Variants in MAP3K7 observed in about 807,000 individuals in gnomAD.
The protein encoded by MAP3K7 is mitogen-activated protein kinase kinase kinase 7, also known as TGF-beta activated kinase 1.
Under a neutral mutation model 84.8 loss-of-function variants are expected in MAP3K7, and 21 were observed. That is an observed-to-expected ratio of 0.25 (90% CI 0.18 to 0.36). The LOEUF (loss-of-function observed/expected upper bound fraction) is 0.36, where lower values mean the gene tolerates loss of function less well. Among genes scored for constraint, MAP3K7 ranks in the 10% least tolerant of loss-of-function variants. The probability of loss-of-function intolerance (pLI) is 1.00; values close to 1 mark genes in which losing one functional copy is unlikely to be tolerated. For synonymous variants in MAP3K7, 241 were observed against 247.7 expected (o/e 0.97, Z 0.25); for missense variants, 503 against 747.7 (o/e 0.67, Z 3.82).
chr6:90,558,776 T>G (rs143548631), intron 5 of MAP3K7, among the ~76,000 whole-genome samples: 1 of 152,240 alleles, frequency 6.6e-6, no homozygotes, highest in South Asian at 2.1e-4. Context: ...TTGTAAGATA[T>G]TTCTCCATAT....
rs1196199380 is a variant in MAP3K7 at position 90,587,033 on chromosome 6, C to T, written c.-150G>A. The T allele has an allele frequency of 1.1e-6, 1 of 938,818 alleles. No homozygotes were observed. The highest frequency in any genetic ancestry group is 3.3e-5 in the East Asian group (1 of 29,870). The allele number at this position is 938,818 out of a possible 1,614,324, so 58.2% of individuals were successfully genotyped here. On this transcript the variant is annotated 5_prime_UTR_variant, in exon 1 of 17. Coordinates refer to ENST00000369329, the MANE Select transcript of MAP3K7 (RefSeq NM_145331.3). ...CCGTGGCGGGGGTAGAGGCAGCGGC[C>T]ACAGCCGTGTCCGGCTCTGGCTCCG...
At chr6:90,559,866 A>G (rs1776451262) in intron 5 of MAP3K7, among the ~76,000 whole-genome samples, 1 of 152,262 alleles carries the variant, frequency 6.6e-6, no homozygotes, top group Non-Finnish European at 1.5e-5. Flanking sequence ...TACCAAAAAT[A>G]AAAATCCCAC....
chr6:90,558,279 GC>G (rs1376799084), intron 5 of MAP3K7, among the ~76,000 whole-genome samples: 1 of 151,916 alleles, frequency 6.6e-6, no homozygotes, highest in Non-Finnish European at 1.5e-5. Context: ...CTGAGATTGC[GC>G]CACTGCACTC....
chr6:90,560,350 T>C (rs958716088), intron 4 of MAP3K7, 136 bp from the exon 5 acceptor site: 4 of 896,500 alleles, frequency 4.5e-6, no homozygotes, highest in Admixed American at 3.1e-5. Context: ...CTGCTTTTAA[T>C]TTTTTACTTT....
chr6:90,529,279 T>C lies in MAP3K7; in HGVS notation c.1357-5496A>G, dbSNP rs572109134. ...TCCTGACCTCATATTCACCTAAAGA[T>C]AATACGGCGTAGTGCACAGGGCATG... On this transcript the variant is annotated intron_variant, in intron 13 of 16. Transcript: ENST00000369329. Among the ~76,000 whole-genome samples, 7 of 152,284 alleles carry C rather than the reference T, an allele frequency of 4.6e-5. No homozygotes were observed. In the South Asian group the frequency reaches 1.0e-3, roughly 23 times the overall value.
intron 1 of MAP3K7, among the ~76,000 whole-genome samples, chr6:90,577,726 T>C (rs1417553584): frequency 2.0e-5 from 3 of 152,202 alleles, no homozygotes; most frequent in Admixed American, 2.0e-4. Context: ...GGTTCAGCAG[T>C]ATCAACATCA....
At chr6:90,524,373 A>G (rs951414598) in intron 13 of MAP3K7, among the ~76,000 whole-genome samples, 1 of 152,236 alleles carries the variant, frequency 6.6e-6, no homozygotes, top group Admixed American at 6.5e-5. Context: ...AGGTTACAAC[A>G]AATTCCAACC....
At chr6:90,571,335 T>C (rs997334551) in intron 2 of MAP3K7, among the ~76,000 whole-genome samples, 3 of 152,128 alleles carry the variant, frequency 2.0e-5, no homozygotes, top group Non-Finnish European at 2.9e-5. Flanking sequence ...TCTAAAAACA[T>C]TCCATTTAAA....
chr6:90,540,548 T>C (rs1032433833), intron 12 of MAP3K7, among the ~76,000 whole-genome samples: 1 of 151,986 alleles, frequency 6.6e-6, no homozygotes, highest in African/African-American at 2.4e-5. Flanking sequence ...CAACAAATTT[T>C]ATATCAGAGT....
In MAP3K7 at chr6:90,548,168, A is replaced by G. The variant is rs1487091258; in HGVS notation, c.959T>C (p.Met320Thr). Residue 320 changes from methionine to threonine, a missense_variant, in exon 10 of 17, where the codon ATG (methionine) becomes ACG (threonine). Physicochemically the swap from Met to Thr is moderately conservative, Grantham distance 81. This residue lies in a region of MAP3K7 where 286 missense variants were observed against 313.6 expected (regional missense o/e 0.91). Coordinates refer to ENST00000369329, the MANE Select transcript of MAP3K7 (RefSeq NM_145331.3). Reference sequence around the variant, plus strand: ...ACTCGTATTTGTAGAAGCAATGTCCATGAATGAGCCTAGGAAAAGCAGAAA... The same window carrying G: ...ACTCGTATTTGTAGAAGCAATGTCCGTGAATGAGCCTAGGAAAAGCAGAAA... ...SNSATSTGSF[M>T]DIASTNTSNK... The G allele has an allele frequency of 5.0e-6, 8 of 1,608,838 alleles. No individual in the cohort carries two copies. Among genetic ancestry groups the G allele is most frequent in the Admixed American group, 1.7e-5 (1 of 59,096 alleles).
intron 1 of MAP3K7, among the ~76,000 whole-genome samples, chr6:90,579,242 G>A (rs1051208996): frequency 6.6e-6 from 1 of 152,310 alleles, no homozygotes; most frequent in East Asian, 1.9e-4. Context: ...GTTTTAAAAA[G>A]CCCTAATCTC....
intron 1 of MAP3K7, among the ~76,000 whole-genome samples, chr6:90,576,560 G>T (rs566478777): frequency 6.6e-6 from 1 of 152,186 alleles, no homozygotes; most frequent in East Asian, 1.9e-4. Context: ...CAATCTAAGG[G>T]CTATGCGCTA....
chr6:90,542,422 A>C, intron 12 of MAP3K7: 1 of 983,900 alleles, frequency 1.0e-6, no homozygotes, highest in Non-Finnish European at 1.2e-6. Flanking sequence ...TCATATGAAT[A>C]GCACTGCTGC....
At chr6:90,551,844 C>T in intron 8 of MAP3K7, 2 of 439,756 alleles carry the variant, frequency 4.5e-6, no homozygotes, top group East Asian at 3.4e-5. Context: ...CCTAGTCTAG[C>T]CATCTTTCCA....
chr6:90,536,171 G>A (rs1334478650), intron 13 of MAP3K7, among the ~76,000 whole-genome samples, 166 bp downstream of exon 13: 1 of 151,858 alleles, frequency 6.6e-6, no homozygotes, highest in Non-Finnish European at 1.5e-5. Context: ...ATTAACAATG[G>A]CACCTATGTT....
At chr6:90,555,868 AC>A (rs578169157) in intron 6 of MAP3K7, among the ~76,000 whole-genome samples, 112 of 152,318 alleles carry the variant, frequency 7.4e-4, no homozygotes, top group African/African-American at 2.1e-3. Context: ...CTCATAGTCA[AC>A]ATTTCTGTAA....
At chr6:90,527,942 G>A (rs1296037523) in intron 13 of MAP3K7, among the ~76,000 whole-genome samples, 130 of 12,262 alleles carry the variant, frequency 0.011, 46 homozygotes, top group African/African-American at 0.061. Context: ...GCAGTGGCGC[G>A]ATCTCGGCTC....
chr6:90,537,802 C>T (rs192910257), intron 12 of MAP3K7, among the ~76,000 whole-genome samples: 6 of 152,086 alleles, frequency 3.9e-5, no homozygotes, highest in Admixed American at 3.9e-4. Flanking sequence ...ACAACCGTGA[C>T]TAATAAGCAA....
intron 6 of MAP3K7, among the ~76,000 whole-genome samples, chr6:90,553,836 GCA>G (rs1776254466): frequency 6.6e-6 from 1 of 151,980 alleles, no homozygotes; most frequent in Non-Finnish European, 1.5e-5. Context: ...TCATCAAGAG[GCA>G]GTTTTTTCAT....
Sources: allele counts gnomAD v4.1 joint callset (sites outside exome capture counted in the v4.1 genomes callset), GRCh38; gene constraint gnomAD v4.1.1; regional missense constraint gnomAD v4.1.1; transcripts MANE v1.5; gene names NCBI Gene and HGNC (gene_info 2026-07-23, HGNC 2026-07-21).